DSCAML1: variants seen among roughly 807,000 people sequenced by gnomAD.
DSCAML1 encodes DS cell adhesion molecule like 1.
A neutral mutation model predicts 200.5 loss-of-function variants in DSCAML1; 38 were observed. The observed-to-expected ratio is 0.19, with a 90% CI of 0.15 to 0.25. The LOEUF is 0.25. Ranked by LOEUF, DSCAML1 falls within the 10% of genes least tolerant of loss-of-function variation. The probability of loss-of-function intolerance (pLI) is 1.00; values close to 1 mark genes in which losing one functional copy is unlikely to be tolerated. For synonymous variants in DSCAML1, 1,215 were observed against 1,165.0 expected, an observed-to-expected ratio of 1.04 and a Z score of -0.87; for missense variants, 2,223 against 2,858.8, an observed-to-expected ratio of 0.78 and a Z score of 5.07.
chr11:117,801,285 G>A (rs2055654808), upstream of DSCAML1: 1 of 152,162 alleles, frequency 6.6e-6, no homozygotes, highest in African/African-American at 2.4e-5. Flanking sequence ...CTTCACCATT[G>A]AGGTGAAAGA....
At chr11:117,577,935 TA>T (rs1286933016) in intron 3 of DSCAML1, among the ~76,000 whole-genome samples, 2 of 150,654 alleles carry the variant, frequency 1.3e-5, no homozygotes, top group Non-Finnish European at 3.0e-5. Context: ...TCTTGCCTAT[TA>T]AAAATCTGAA....
intron 1 of DSCAML1, among the ~76,000 whole-genome samples, chr11:117,811,235 G>A (rs950043539): frequency 6.6e-6 from 1 of 152,086 alleles, no homozygotes; most frequent in African/African-American, 2.4e-5. Flanking sequence ...TTCATGGCTC[G>A]TTCGGCAGCA....
At chr11:117,486,235 G>A (rs1490255312) in intron 11 of DSCAML1, among the ~76,000 whole-genome samples, 4 of 116,364 alleles carry the variant, frequency 3.4e-5, no homozygotes, top group Non-Finnish European at 5.9e-5. Flanking sequence ...GGAAAGTGGC[G>A]GATGGGAAAG....
chr11:117,671,443 A>C (rs2053104744), intron 3 of DSCAML1, among the ~76,000 whole-genome samples: 1 of 152,232 alleles, frequency 6.6e-6, no homozygotes, highest in Non-Finnish European at 1.5e-5. Flanking sequence ...TCCCAACAGC[A>C]GTCTGGGATC....
intron 3 of DSCAML1, among the ~76,000 whole-genome samples, chr11:117,758,454 T>C (rs987831255): frequency 7.9e-5 from 12 of 151,838 alleles, no homozygotes; most frequent in Non-Finnish European, 1.6e-4. Context: ...CAGGCTGGAG[T>C]GCAGTGGCGC....
chr11:117,515,938 C>T (rs2049757169), intron 8 of DSCAML1, among the ~76,000 whole-genome samples: 1 of 152,044 alleles, frequency 6.6e-6, no homozygotes, highest in South Asian at 2.1e-4. Flanking sequence ...GGCTTTTAAG[C>T]ACCACACAGC....
At chr11:117,485,467 C>G (rs1013924824) in intron 11 of DSCAML1, among the ~76,000 whole-genome samples, 1 of 152,208 alleles carries the variant, frequency 6.6e-6, no homozygotes, top group African/African-American at 2.4e-5. Flanking sequence ...AGGAGAGAAG[C>G]TTGAGGGGCT....
chr11:117,765,815 G>A (rs528930129), intron 3 of DSCAML1, among the ~76,000 whole-genome samples: 11 of 152,340 alleles, frequency 7.2e-5, no homozygotes, highest in African/African-American at 2.6e-4. Flanking sequence ...CAAGTTAGGT[G>A]CGGAGTCAGG....
chr11:117,451,989 C>T (rs1199496049), intron 19 of DSCAML1, among the ~76,000 whole-genome samples: 1 of 152,052 alleles, frequency 6.6e-6, no homozygotes, highest in African/African-American at 2.4e-5. Context: ...CTAGATACAG[C>T]GTCATCATCC....
In DSCAML1 at chr11:117,428,517, G is replaced by T; in HGVS notation, c.5973C>A (p.Thr1991=). 2.0e-6 allele frequency: 3 copies of T among 1,497,516 alleles called. No homozygotes were observed. Among genetic ancestry groups the T allele is most frequent in the Non-Finnish European group, 2.7e-6 (3 of 1,111,684 alleles). The allele number at this position is 1,497,516 out of a possible 1,614,324, so 92.8% of individuals were successfully genotyped here. ...AGTAPPAPGP[T]PAEPPTAPSA... ...TGGGGGCGGTGGGTGGCTCAGCAGG[G>T]GTGGGGCCGGGGGCTGGGGGGGCTG... The change falls in exon 33 of 33, where the codon ACC becomes ACA. Residue 1991 remains threonine, a synonymous_variant. Transcript: ENST00000651296.
At chr11:117,674,964 T>G (rs2053181473) in intron 3 of DSCAML1, among the ~76,000 whole-genome samples, 1 of 152,198 alleles carries the variant, frequency 6.6e-6, no homozygotes, top group South Asian at 2.1e-4. Context: ...AAATATCTTA[T>G]CAGGCAGAGA....
intron 3 of DSCAML1, among the ~76,000 whole-genome samples, chr11:117,723,190 A>G (rs558644243): frequency 6.6e-6 from 1 of 152,230 alleles, no homozygotes; most frequent in African/African-American, 2.4e-5. Flanking sequence ...TTACTACTAT[A>G]CTGGTATTTA....
At chr11:117,727,002 C>T (rs1338780924) in intron 3 of DSCAML1, among the ~76,000 whole-genome samples, 2 of 152,152 alleles carry the variant, frequency 1.3e-5, no homozygotes, top group Non-Finnish European at 2.9e-5. Flanking sequence ...ACAGCTGACA[C>T]TCTTAAGTGT....
intron 8 of DSCAML1, among the ~76,000 whole-genome samples, chr11:117,511,267 C>T (rs1242892906): frequency 2.0e-5 from 3 of 152,068 alleles, no homozygotes; most frequent in African/African-American, 7.2e-5. Flanking sequence ...AGCCTGGCAC[C>T]ACCTCCCTGT....
intron 8 of DSCAML1, among the ~76,000 whole-genome samples, chr11:117,509,583 C>G (rs2137287971): frequency 6.6e-6 from 1 of 152,314 alleles, no homozygotes; most frequent in African/African-American, 2.4e-5. Context: ...ACCGGGCAGC[C>G]TGGAGGGGGA....
intron 3 of DSCAML1, among the ~76,000 whole-genome samples, chr11:117,617,086 T>C (rs2051824141): frequency 1.3e-5 from 2 of 152,232 alleles, no homozygotes; most frequent in South Asian, 4.1e-4. Flanking sequence ...CATTGAATTC[T>C]CACAACAGTA....
At position 117,472,001 on chromosome 11, in the gene DSCAML1, A is replaced by T; in HGVS notation, c.2821T>A (p.Ser941Thr). ...WDFKQSTRNISPTINQANIVD... is the reference protein window; with the variant it reads ...WDFKQSTRNITPTINQANIVD... ...ATGTTGGCCTGGTTGATGGTGGGGG[A>T]GATGTTGCGTGTGGACTGCTTGAAG... The change falls in exon 15 of 33, where the codon TCC becomes ACC. Residue 941 changes from serine (S) to threonine (T), a missense_variant. Transcript: ENST00000651296. 1 of 1,613,966 alleles carries T rather than the reference A, an allele frequency of 6.2e-7. No individual in the cohort carries two copies. Among genetic ancestry groups the T allele is most frequent in the South Asian group, 1.1e-5 (1 of 91,048 alleles).
chr11:117,499,458 C>A (rs1040814146), intron 11 of DSCAML1, among the ~76,000 whole-genome samples: 2 of 152,184 alleles, frequency 1.3e-5, no homozygotes, highest in Non-Finnish European at 2.9e-5. Context: ...AGGGACAACT[C>A]ACGGATGCAG....
At chr11:117,548,057 G>A (rs1277454932) in intron 3 of DSCAML1, among the ~76,000 whole-genome samples, 1 of 152,218 alleles carries the variant, frequency 6.6e-6, no homozygotes, top group African/African-American at 2.4e-5. Flanking sequence ...ACAAGGTGTG[G>A]ACTGAGACAT....
Sources: gnomAD v4.1 joint callset for allele counts (sites outside exome capture counted in the v4.1 genomes callset) on GRCh38, gnomAD v4.1.1 for gene constraint, MANE v1.5 for transcripts, NCBI Gene and HGNC (gene_info 2026-07-23, HGNC 2026-07-21) for gene names.